ADAMTSL1: variants seen among roughly 807,000 people sequenced by gnomAD.
ADAMTSL1 encodes the protein ADAMTS like 1, also known as ADAMTS-like protein 1.
ADAMTSL1 carries 126 observed loss-of-function variants against 201.8 expected under a neutral mutation model. The ratio of observed to expected loss-of-function variants is 0.62; its 90% CI spans 0.54 to 0.72. The LOEUF (loss-of-function observed/expected upper bound fraction) is 0.72. Ranked by LOEUF, ADAMTSL1 falls within the 30% of genes least tolerant of loss-of-function variation. The pLI is 0.00. For synonymous variants in ADAMTSL1, 1,121 were observed against 903.4 expected (o/e 1.24, Z -4.32); for missense variants, 2,679 against 2,277.8 (o/e 1.18, Z -3.59).
Position 18,777,594 on chromosome 9 carries a change from C to A in ADAMTSL1, c.3365C>A (p.Pro1122His). Residue 1122 changes from proline (P) to histidine (H), a missense_variant, in exon 19 of 29, where the codon CCC becomes CAC. Transcript: ENST00000380548. ...HLEHQDTLLK[P>H]SERRTSPVTL... ...GAGCACCAGGACACGCTCCTGAAGC[C>A]CTCGGAGCGCAGGACTTCCCCAGTG... 6.2e-7 allele frequency: 1 copy of A among 1,612,602 alleles called. No individual in the cohort carries two copies. Among genetic ancestry groups the A allele is most frequent in the Non-Finnish European group, 8.5e-7 (1 of 1,179,478 alleles).
chr9:18,855,815 T>A (rs1227765552), intron 23 of ADAMTSL1, among the ~76,000 whole-genome samples: 1 of 152,172 alleles, frequency 6.6e-6, no homozygotes, highest in East Asian at 1.9e-4. Flanking sequence ...GTCTAGAACC[T>A]GGCAGGGACC....
At chr9:18,466,128 A>G (rs1249490118) in intron 2 of ADAMTSL1, among the ~76,000 whole-genome samples, 1 of 152,096 alleles carries the variant, frequency 6.6e-6, no homozygotes, top group Non-Finnish European at 1.5e-5. Flanking sequence ...TTTCCCCTTT[A>G]TCCTTGGGAC....
chr9:18,290,087 G>A (rs1470278946), intron 2 of ADAMTSL1, among the ~76,000 whole-genome samples: 1 of 152,044 alleles, frequency 6.6e-6, no homozygotes, highest in Non-Finnish European at 1.5e-5. Flanking sequence ...GACTGTTTGG[G>A]AACCTTAATC....
intron 2 of ADAMTSL1, among the ~76,000 whole-genome samples, chr9:18,249,074 A>T (rs1226335032): frequency 1.3e-5 from 2 of 152,080 alleles, no homozygotes; most frequent in Non-Finnish European, 1.5e-5. Context: ...AGAGCTCTAG[A>T]TCCCCTGGAG....
At chr9:17,967,415 G>C (rs1312143594) in intron 1 of ADAMTSL1, among the ~76,000 whole-genome samples, 1 of 151,958 alleles carries the variant, frequency 6.6e-6, no homozygotes, top group Non-Finnish European at 1.5e-5. Context: ...TTGACTTTTT[G>C]TATCTGTGAT....
At chr9:18,246,390 CAA>C (rs766180209) in intron 2 of ADAMTSL1, among the ~76,000 whole-genome samples, 4 of 151,980 alleles carry the variant, frequency 2.6e-5, no homozygotes, top group Non-Finnish European at 5.9e-5. Flanking sequence ...TTTGGAAACA[CAA>C]GATGATTTTT....
intron 14 of ADAMTSL1, among the ~76,000 whole-genome samples, chr9:18,721,270 G>C (rs894617764): frequency 6.6e-6 from 1 of 152,178 alleles, no homozygotes; most frequent in African/African-American, 2.4e-5. Context: ...CATTTCAAGA[G>C]TCTAGGTAGC....
chr9:18,669,048 A>G (rs1221272127), intron 9 of ADAMTSL1, among the ~76,000 whole-genome samples: 1 of 152,194 alleles, frequency 6.6e-6, no homozygotes, highest in Non-Finnish European at 1.5e-5. Flanking sequence ...ATCAAATCCC[A>G]CAGTCATCCT....
At position 18,346,856 on chromosome 9, in the gene ADAMTSL1, C is replaced by T. The variant is rs1835742947; in HGVS notation, c.208-157973C>T. 1.3e-5 allele frequency among the ~76,000 whole-genome samples: 2 copies of T among 152,164 alleles called. 1 individual carries two copies. Among genetic ancestry groups the T allele is most frequent in the African/African-American group, 4.8e-5 (2 of 41,440 alleles). ...TCTGAACTCGAAAGGCTCAATCTCA[C>T]ATGGGCAGATCCCAAAACAGGAGAT... On this transcript the variant is annotated intron_variant, in intron 2 of 29. Coordinates refer to the ADAMTSL1 transcript ENST00000680146.
intron 3 of ADAMTSL1, among the ~76,000 whole-genome samples, chr9:18,535,426 T>C (rs2132119587): frequency 6.6e-6 from 1 of 152,306 alleles, no homozygotes; most frequent in South Asian, 2.1e-4. Flanking sequence ...TCCTGTCTTC[T>C]GAGCCCCCCA....
chr9:18,535,752 C>A lies in ADAMTSL1; in HGVS notation c.237+2460C>A, dbSNP rs187650782. The stretch of plus-strand genomic sequence containing the variant: ...CAAACACATCTTTCTTCACAGATGT[C>A]AGGAGAAAGAAGAATGAGAACTGAG... On this transcript the variant is annotated intron_variant, in intron 3 of 28. Transcript: ENST00000380548. Among the ~76,000 whole-genome samples the A allele has an allele frequency of 5.7e-3, 865 of 152,226 alleles. 5 individuals carry two copies. The highest frequency in any genetic ancestry group is 0.02 in the African/African-American group (831 of 41,530).
chr9:18,659,116 T>A (rs538456554), intron 8 of ADAMTSL1, among the ~76,000 whole-genome samples: 29 of 152,366 alleles, frequency 1.9e-4, no homozygotes, highest in African/African-American at 7.0e-4. Flanking sequence ...TCTAGTTTCA[T>A]AGAAGCCAGT....
chr9:18,144,135 A>T (rs1826520723), intron 1 of ADAMTSL1, among the ~76,000 whole-genome samples: 1 of 152,168 alleles, frequency 6.6e-6, no homozygotes, highest in Admixed American at 6.6e-5. Context: ...TTTGAAAGTG[A>T]TGTTTCTATT....
chr9:17,946,598 C>G (rs1827496198), intron 1 of ADAMTSL1, among the ~76,000 whole-genome samples: 1 of 151,948 alleles, frequency 6.6e-6, no homozygotes, highest in Non-Finnish European at 1.5e-5. Context: ...TGAAAATTTT[C>G]TAATTAAAAA....
At chr9:18,263,769 G>T (rs530893910) in intron 2 of ADAMTSL1, among the ~76,000 whole-genome samples, 1 of 152,282 alleles carries the variant, frequency 6.6e-6, no homozygotes, top group East Asian at 1.9e-4. Flanking sequence ...ACTCGAGAAA[G>T]CTGGTTGCTC....
chr9:18,667,009 G>C (rs1418041438), intron 9 of ADAMTSL1, among the ~76,000 whole-genome samples: 4 of 150,792 alleles, frequency 2.7e-5, no homozygotes, highest in Non-Finnish European at 5.9e-5. Context: ...GTAATGAAGG[G>C]GGCTTAAATT....
chr9:18,718,013 G>T lies in ADAMTSL1; in HGVS notation c.1877-3523G>T, dbSNP rs1043092919. 1.8e-5 allele frequency: 29 copies of T among 1,594,456 alleles called. No individual in the cohort carries two copies. The South Asian group carries it at 2.0e-4, about 11-fold the overall frequency. The stretch of plus-strand genomic sequence containing the variant: ...TGATGACTTTTTGCGAGCCTTCCCA[G>T]GCACTGGAGTTTTTCTGTTAATCTG... On this transcript the variant is annotated intron_variant, in intron 14 of 28. Transcript: ENST00000380548.
At chr9:18,099,473 T>C (rs1387226008) in intron 1 of ADAMTSL1, among the ~76,000 whole-genome samples, 2 of 149,332 alleles carry the variant, frequency 1.3e-5, no homozygotes, top group African/African-American at 4.9e-5. Flanking sequence ...ACTTCTTTTT[T>C]TTAATTTCAG....
chr9:18,780,663 T>A (rs1821343039), intron 19 of ADAMTSL1, among the ~76,000 whole-genome samples: 1 of 152,202 alleles, frequency 6.6e-6, no homozygotes, highest in African/African-American at 2.4e-5. Context: ...TTTTAGAATG[T>A]TTATATATTT....
Sources: gnomAD v4.1 joint callset for allele counts (sites outside exome capture counted in the v4.1 genomes callset) on GRCh38, gnomAD v4.1.1 for gene constraint, MANE v1.5 for transcripts, NCBI Gene and HGNC (gene_info 2026-07-23, HGNC 2026-07-21) for gene names.